Variants in CLDN12 observed in about 807,000 individuals in gnomAD.
CLDN12 encodes the protein claudin 12, also known as claudin-12.
CLDN12 carries 9 observed loss-of-function variants against 15.5 expected under a neutral mutation model. The ratio of observed to expected loss-of-function variants is 0.58; its 90% CI spans 0.35 to 1.02. CLDN12 has a LOEUF of 1.02. CLDN12 is among the 50% of genes least tolerant of loss of function. The pLI is 0.02. For missense variants in CLDN12, 233 were observed against 297.3 expected (o/e 0.78, Z 1.59); for synonymous variants, 140 against 121.6 (o/e 1.15, Z -1.00).
At chr7:90,407,253 G>GAT (rs1796855687) in intron 2 of CLDN12, among the ~76,000 whole-genome samples, 1 of 152,304 alleles carries the variant, frequency 6.6e-6, no homozygotes, top group African/African-American at 2.4e-5. Flanking sequence ...GCTAAACCTA[G>GAT]ATATATATTT....
intron 2 of CLDN12, 169 bp downstream of exon 2, chr7:90,405,777 G>A (rs1478554564): frequency 6.6e-6 from 1 of 152,040 alleles, no homozygotes; most frequent in East Asian, 1.9e-4. Context: ...CAAATTATAG[G>A]TAGAAGGAAC....
Position 90,412,640 on chromosome 7 carries a change from CT to C in CLDN12, c.-33-3del. 1 of 1,586,992 alleles carries C rather than the reference CT, an allele frequency of 6.3e-7. No individual in the cohort carries two copies. Among genetic ancestry groups the C allele is most frequent in the Non-Finnish European group, 8.6e-7 (1 of 1,167,124 alleles). On this transcript the variant is annotated splice_region_variant and splice_polypyrimidine_tract_variant and intron_variant, in intron 3 of 3. Transcript: ENST00000496677. ...GATTTGTCCTCTTGTGTGTCACCCC[CT>C]AGTCTGACTGACAGTACTCCACAAG...
At position 90,413,319 on chromosome 7, in the gene CLDN12, C is replaced by A. The variant is rs1170053675; in HGVS notation, c.643C>A (p.Pro215Thr). 1.2e-6 allele frequency: 2 copies of A among 1,614,056 alleles called. No individual in the cohort carries two copies. The highest frequency in any genetic ancestry group is 1.3e-5 in the African/African-American group (1 of 74,932). ...PFWQPLYSHP[P>T]SMHTYSQPYS... Reference sequence around the variant, plus strand: ...CTGGCAACCATTGTACTCCCATCCACCCAGTATGCATACTTACTCACAGCC... The same window carrying A: ...CTGGCAACCATTGTACTCCCATCCAACCAGTATGCATACTTACTCACAGCC... Residue 215 changes from proline to threonine, a missense_variant, in exon 4 of 4, where the codon CCC becomes ACC. Physicochemically the swap from Pro to Thr is conservative, Grantham distance 38 (BLOSUM62 -1). Transcript: ENST00000496677.
At chr7:90,408,731 C>G (rs984125216) in intron 2 of CLDN12, among the ~76,000 whole-genome samples, 2 of 152,170 alleles carry the variant, frequency 1.3e-5, no homozygotes, top group Admixed American at 1.3e-4. Flanking sequence ...CTCTGTCCAT[C>G]CCTGAGATCT....
chr7:90,412,644 T>G lies in CLDN12; in HGVS notation c.-33T>G. 1 of 1,589,810 alleles carries G rather than the reference T, an allele frequency of 6.3e-7. No homozygotes were observed. The highest frequency in any genetic ancestry group is 8.6e-7 in the Non-Finnish European group (1 of 1,168,494). Reference sequence around the variant, plus strand: ...TGTCCTCTTGTGTGTCACCCCCTAGTCTGACTGACAGTACTCCACAAGCTT... The same window carrying G: ...TGTCCTCTTGTGTGTCACCCCCTAGGCTGACTGACAGTACTCCACAAGCTT... On this transcript the variant is annotated splice_region_variant and 5_prime_UTR_variant, in exon 4 of 4. Coordinates refer to ENST00000496677, the MANE Select transcript of CLDN12 (RefSeq NM_001185072.3).
intron 3 of CLDN12, 116 bp from the exon 4 acceptor site, chr7:90,412,528 T>C: frequency 1.2e-6 from 1 of 820,022 alleles, no homozygotes; most frequent in Non-Finnish European, 1.9e-6. Flanking sequence ...AGGGAGAGAC[T>C]TTCCCTCTTT....
Position 90,413,163 on chromosome 7 carries a change from A to C in CLDN12, c.487A>C (p.Lys163Gln). 7.4e-6 allele frequency: 12 copies of C among 1,614,116 alleles called. No homozygotes were observed. Among genetic ancestry groups the C allele is most frequent in the Non-Finnish European group, 1.0e-5 (12 of 1,180,008 alleles). ...CATCTTTTATAACATCCATCTGAAC[A>C]AGAAGTTTGAGCCAGTCTTTTCATT... ...WVIFYNIHLN[K>Q]KFEPVFSFDY... The change falls in exon 4 of 4, where the codon AAG (lysine) becomes CAG (glutamine). Residue 163 changes from lysine to glutamine, a missense_variant. Physicochemically the swap from Lys to Gln is moderately conservative, Grantham distance 53. Coordinates refer to ENST00000496677, the MANE Select transcript of CLDN12 (RefSeq NM_001185072.3).
rs180759255 is a variant in CLDN12, at chr7:90,405,202, A to G, written c.-166-317A>G. Among the ~76,000 whole-genome samples, 464 of 152,256 alleles carry G rather than the reference A, an allele frequency of 3.0e-3. 3 individuals carry two copies. Among genetic ancestry groups the G allele is most frequent in the African/African-American group, 0.011 (437 of 41,538 alleles). ...CTTAACCTCCCACATGGCTGGGACT[A>G]TAGGCATGAGCCACCATGCCCAGCT... On this transcript the variant is annotated intron_variant, in intron 1 of 3. Coordinates refer to ENST00000496677, the MANE Select transcript of CLDN12 (RefSeq NM_001185072.3).
intron 2 of CLDN12, among the ~76,000 whole-genome samples, chr7:90,407,057 C>T (rs1220707118): frequency 6.6e-6 from 1 of 151,942 alleles, no homozygotes; most frequent in African/African-American, 2.4e-5. Flanking sequence ...AATACCGGAA[C>T]AGTGGACTTT....
intron 2 of CLDN12, among the ~76,000 whole-genome samples, chr7:90,410,429 G>C (rs755580804): frequency 6.6e-5 from 10 of 152,134 alleles, no homozygotes; most frequent in Non-Finnish European, 1.3e-4. Flanking sequence ...TTTAAAAATG[G>C]TTACTTGTGC....
rs908276220 is a variant in CLDN12 at position 90,408,582 on chromosome 7, G to A, written c.-77+2974G>A. Among the ~76,000 whole-genome samples the A allele has an allele frequency of 2.6e-5, 4 of 152,258 alleles. No homozygotes were observed. In the South Asian group the frequency reaches 8.3e-4, roughly 32 times the overall value. The stretch of plus-strand genomic sequence containing the variant: ...ATAGGCATTTGAAATTAAGAACAGG[G>A]CATACAAGGTGAAGTAGCCAAAAGA... On this transcript the variant is annotated intron_variant, in intron 2 of 3. Coordinates refer to ENST00000496677, the MANE Select transcript of CLDN12 (RefSeq NM_001185072.3).
Position 90,415,467 on chromosome 7 carries a change from G to A in CLDN12, c.*2056G>A, listed in dbSNP as rs1247987207. ...TATTAGACAGTTTTTTTAGTCCATGGGATTGTAAATATAAACATTAACTTT... is the reference window on the plus strand; with the variant it reads ...TATTAGACAGTTTTTTTAGTCCATGAGATTGTAAATATAAACATTAACTTT... On this transcript the variant is annotated 3_prime_UTR_variant, in exon 4 of 4. Transcript: ENST00000496677. 1 of 166,520 alleles carries A rather than the reference G, an allele frequency of 6.0e-6. No homozygotes were observed. The highest frequency in any genetic ancestry group is 2.4e-5 in the African/African-American group (1 of 41,386). 10.3% of individuals were successfully genotyped at this position (166,520 alleles called of 1,614,324 possible). A position where few individuals can be genotyped will look rare whatever the true frequency, so the allele number is the denominator to read the frequency against.
At position 90,413,044 on chromosome 7, in the gene CLDN12, C is replaced by T. The variant is rs1409135371; in HGVS notation, c.368C>T (p.Ala123Val). 6 of 1,614,166 alleles carry T rather than the reference C, an allele frequency of 3.7e-6. No homozygotes were observed. Among genetic ancestry groups the T allele is most frequent in the South Asian group, 1.1e-5 (1 of 91,080 alleles). ...FRSSVPNIKL[A>V]KCLVNSAGCH... ...TCCTCGGTGCCCAACATCAAACTGG[C>T]CAAGTGTCTGGTCAATAGTGCAGGT... Residue 123 changes from alanine to valine, a missense_variant, in exon 4 of 4, where the codon GCC (alanine) becomes GTC (valine). Transcript: ENST00000496677.
intron 2 of CLDN12, among the ~76,000 whole-genome samples, chr7:90,407,557 T>C (rs1286399049): frequency 1.3e-5 from 2 of 152,208 alleles, no homozygotes; most frequent in Non-Finnish European, 2.9e-5. Flanking sequence ...GAGTGCCTTT[T>C]ATGTGCCAGT....
chr7:90,407,739 C>T (rs1413896623), intron 2 of CLDN12, among the ~76,000 whole-genome samples: 3 of 152,114 alleles, frequency 2.0e-5, no homozygotes, highest in Non-Finnish European at 4.4e-5. Flanking sequence ...TTAGGACAAG[C>T]CTCCCTGGAC....
At chr7:90,405,701 T>G (rs548604300) in intron 2 of CLDN12, 93 bp downstream of exon 2, 1 of 152,278 alleles carries the variant, frequency 6.6e-6, no homozygotes, top group East Asian at 1.9e-4. Flanking sequence ...TTCAACAAAA[T>G]AGAGGTATAG....
intron 2 of CLDN12, among the ~76,000 whole-genome samples, chr7:90,407,917 G>C (rs1278521727): frequency 3.9e-5 from 6 of 152,224 alleles, no homozygotes; most frequent in Non-Finnish European, 5.9e-5. Context: ...TGGGGTGGGA[G>C]AGTGGCACAT....
At chr7:90,411,362 G>C (rs1385103867) in intron 2 of CLDN12, among the ~76,000 whole-genome samples, 4 of 152,190 alleles carry the variant, frequency 2.6e-5, no homozygotes. Flanking sequence ...AAATACATTT[G>C]AGTCCTGCTT....
In CLDN12 at chr7:90,412,894, CT is replaced by C; in HGVS notation, c.220del (p.Trp74GlyfsTer22). On this transcript the variant is annotated frameshift_variant, in exon 4 of 4. Transcript: ENST00000496677. LOFTEE classifies it high-confidence loss of function. Reference sequence around the variant, plus strand: ...AGTGACTGCCTGATGTACGACACTACTTGGTACTCATCAGTTGACCAGCTGG... The same window carrying C: ...AGTGACTGCCTGATGTACGACACTACTGGTACTCATCAGTTGACCAGCTGG... The part of the protein sequence containing the change: ...GSSDCLMYDT[T>X]WYSSVDQLDL... 2 of 1,614,218 alleles carry C rather than the reference CT, an allele frequency of 1.2e-6. No individual in the cohort carries two copies. Among genetic ancestry groups the C allele is most frequent in the Non-Finnish European group, 1.7e-6 (2 of 1,180,042 alleles).
Sources: allele counts gnomAD v4.1 joint callset (sites outside exome capture counted in the v4.1 genomes callset), GRCh38; gene constraint gnomAD v4.1.1; transcripts MANE v1.5; gene names NCBI Gene and HGNC (gene_info 2026-07-23, HGNC 2026-07-21).